Variants in WDFY4 observed in about 807,000 individuals in gnomAD.
WDFY4 encodes WD repeat- and FYVE domain-containing protein 4.
Under a neutral mutation model 351.9 loss-of-function variants are expected in WDFY4, and 169 were observed. The ratio of observed to expected loss-of-function variants is 0.48; its 90% CI spans 0.42 to 0.55. The LOEUF (loss-of-function observed/expected upper bound fraction) is 0.55. WDFY4 is among the 20% of genes least tolerant of loss of function. The probability of loss-of-function intolerance (pLI) is 0.00; values close to 1 mark genes in which losing one functional copy is unlikely to be tolerated. For missense variants in WDFY4, 3,803 were observed against 3,935.6 expected (o/e 0.97, Z 0.90); for synonymous variants, 1,622 against 1,574.6 (o/e 1.03, Z -0.71).
chr10:48,752,787 T>C (rs2065222270), intron 12 of WDFY4, among the ~76,000 whole-genome samples: 1 of 152,272 alleles, frequency 6.6e-6, no homozygotes, highest in Non-Finnish European at 1.5e-5. Context: ...CATTTGTTGA[T>C]GAACATTTGG....
At chr10:48,776,480 A>G (rs1336380213) in intron 15 of WDFY4, among the ~76,000 whole-genome samples, 1 of 152,208 alleles carries the variant, frequency 6.6e-6, no homozygotes, top group Non-Finnish European at 1.5e-5. Context: ...TGGCAGCAGT[A>G]GAATGTGCTA....
intron 53 of WDFY4, 46 bp downstream of exon 53, chr10:48,959,859 T>C (rs1841779585): frequency 2.0e-6 from 3 of 1,499,626 alleles, no homozygotes; most frequent in South Asian, 1.2e-5. Flanking sequence ...GACCTGAACA[T>C]CCCCTCAAGT....
intron 23 of WDFY4, among the ~76,000 whole-genome samples, chr10:48,792,458 T>C (rs1275012249): frequency 1.3e-5 from 2 of 152,192 alleles, no homozygotes; most frequent in African/African-American, 4.8e-5. Context: ...CAGTACATGT[T>C]TTGGGAATGA....
Position 48,899,445 on chromosome 10 carries a change from T to C in WDFY4, c.7438-776T>C, listed in dbSNP as rs113579901. 3.7e-4 allele frequency among the ~76,000 whole-genome samples: 56 copies of C among 152,208 alleles called. 1 individual carries two copies. The highest frequency in any genetic ancestry group is 1.3e-3 in the African/African-American group (55 of 41,522). On this transcript the variant is annotated intron_variant, in intron 45 of 61. Transcript: ENST00000325239. The stretch of plus-strand genomic sequence containing the variant: ...TAGATGCAGGACAGGACTCTGCTAT[T>C]GGGTGCAGTACCCACCTCTGAGTCT...
chr10:48,946,028 T>A lies in WDFY4; in HGVS notation c.7750-12T>A. The A allele has an allele frequency of 6.6e-7, 1 of 1,525,494 alleles. No individual in the cohort carries two copies. The highest frequency in any genetic ancestry group is 8.8e-7 in the Non-Finnish European group (1 of 1,136,344). 94.5% of individuals were successfully genotyped at this position (1,525,494 alleles called of 1,614,324 possible). On this transcript the variant is annotated splice_polypyrimidine_tract_variant and intron_variant, in intron 49 of 61. Coordinates refer to ENST00000325239, the MANE Select transcript of WDFY4 (RefSeq NM_001394531.1). ...CTGGGGAGTTAACTCCAGCTGCACA[T>A]CTGCCTTCTAGACATTGAACTTGGC...
chr10:48,741,626 G>A (rs933236135), intron 11 of WDFY4, among the ~76,000 whole-genome samples: 3 of 151,982 alleles, frequency 2.0e-5, no homozygotes, highest in Admixed American at 1.3e-4. Context: ...TAACTTCCAC[G>A]TATCATACTA....
At chr10:48,897,397 C>T (rs1837137175) in intron 44 of WDFY4, 57 bp from the exon 45 acceptor site, 1 of 1,532,126 alleles carries the variant, frequency 6.5e-7, no homozygotes, top group Non-Finnish European at 8.8e-7. Context: ...AAGAAGCCTG[C>T]ACGTGTCCTC....
At chr10:48,715,808 C>CTTTTTTTTT (rs11101438) in intron 2 of WDFY4, among the ~76,000 whole-genome samples, 1 of 141,306 alleles carries the variant, frequency 7.1e-6, no homozygotes, top group Non-Finnish European at 1.5e-5. Context: ...CTTTTCTTTT[C>CTTTTTTTTT]TTTTTTTTTT....
chr10:48,719,078 G>C (rs2063996569), intron 2 of WDFY4, among the ~76,000 whole-genome samples: 1 of 150,182 alleles, frequency 6.7e-6, no homozygotes, highest in South Asian at 2.1e-4. Context: ...TGTAAGAATA[G>C]ATTGAGAAAT....
intron 18 of WDFY4, 41 bp downstream of exon 18, chr10:48,778,873 G>C: frequency 6.5e-7 from 1 of 1,539,462 alleles, no homozygotes; most frequent in Non-Finnish European, 8.7e-7. Context: ...TCCACATGTG[G>C]GGGAAATGGG....
intron 4 of WDFY4, among the ~76,000 whole-genome samples, chr10:48,722,128 G>A (rs1470742042): frequency 6.6e-6 from 1 of 152,216 alleles, no homozygotes; most frequent in East Asian, 1.9e-4. Flanking sequence ...AGCCGTGCTT[G>A]GAAGGGTGAT....
chr10:48,893,965 C>T (rs1461058380), intron 44 of WDFY4, among the ~76,000 whole-genome samples: 1 of 152,112 alleles, frequency 6.6e-6, no homozygotes, highest in Non-Finnish European at 1.5e-5. Context: ...ATCAGCTGCC[C>T]CTTCTACCCA....
chr10:48,900,016 C>G lies in WDFY4; in HGVS notation c.7438-205C>G, dbSNP rs1837276302. Among the ~76,000 whole-genome samples, 3 of 152,156 alleles carry G rather than the reference C, an allele frequency of 2.0e-5. No homozygotes were observed. The South Asian group carries it at 6.2e-4, about 32-fold the overall frequency. On this transcript the variant is annotated intron_variant, in intron 45 of 61. Transcript: ENST00000325239. ...CTTCAACAGAACTCCAAGCTGTGGT[C>G]AGGCCCCCTGCCCTCCCACACATTC...
chr10:48,765,341 A>G (rs2065634821), intron 13 of WDFY4, among the ~76,000 whole-genome samples: 1 of 152,226 alleles, frequency 6.6e-6, no homozygotes, highest in East Asian at 1.9e-4. Context: ...AAGCAGTCAC[A>G]GAGCCATGGG....
rs1310151975 is a variant in WDFY4 at position 48,964,032 on chromosome 10, A to G, written c.8414A>G (p.Asn2805Ser). 7 of 1,549,814 alleles carry G rather than the reference A, an allele frequency of 4.5e-6. No homozygotes were observed. Among genetic ancestry groups the G allele is most frequent in the African/African-American group, 2.7e-5 (2 of 72,952 alleles). ...AGCACCATCCTGGGGTTTGTCAGCA[A>G]CTTTGGACAGGTGCCCAAACAGGTA... The part of the protein sequence containing the change: ...IKSTILGFVS[N>S]FGQVPKQLFT... The change falls in exon 54 of 62, where the codon AAC (asparagine) becomes AGC (serine). Residue 2805 changes from asparagine (N) to serine (S), a missense_variant. Transcript: ENST00000325239.
chr10:48,845,405 A>C lies in WDFY4; in HGVS notation c.6663+12696A>C, dbSNP rs1052840824. ...AGGGAATACTGATGAAAAAGGGCAC[A>C]GTCCCTGCCCCAGGAGGTCCTCCTG... On this transcript the variant is annotated intron_variant, in intron 39 of 61. Transcript: ENST00000325239. 2.0e-5 allele frequency among the ~76,000 whole-genome samples: 3 copies of C among 152,230 alleles called. No individual in the cohort carries two copies. The East Asian group carries it at 5.8e-4, about 29-fold the overall frequency.
chr10:48,809,761 C>T (rs567267296), intron 28 of WDFY4, among the ~76,000 whole-genome samples: 2 of 152,360 alleles, frequency 1.3e-5, no homozygotes, highest in East Asian at 3.9e-4. Context: ...CATCCAGTTG[C>T]TAAACATCAG....
chr10:48,829,287 G>A (rs1322573441), intron 37 of WDFY4, among the ~76,000 whole-genome samples: 1 of 152,142 alleles, frequency 6.6e-6, no homozygotes, highest in Admixed American at 6.5e-5. Flanking sequence ...CCATTACCTA[G>A]TTGCTGCTCA....
intron 9 of WDFY4, among the ~76,000 whole-genome samples, chr10:48,732,797 C>A (rs1046205095): frequency 4.6e-5 from 7 of 152,176 alleles, no homozygotes; most frequent in African/African-American, 1.7e-4. Context: ...AGTGCTACTG[C>A]CATAGACTGA....
Sources: allele counts gnomAD v4.1 joint callset (sites outside exome capture counted in the v4.1 genomes callset), GRCh38; gene constraint gnomAD v4.1.1; transcripts MANE v1.5; gene names NCBI Gene and HGNC (gene_info 2026-07-23, HGNC 2026-07-21).